The following GLIS3 variants were observed in gnomAD, a reference collection of about 807,000 sequenced individuals.
GLIS3 encodes zinc finger protein GLIS3.
Under a neutral mutation model 78.6 loss-of-function variants are expected in GLIS3, and 53 were observed. The observed-to-expected ratio is 0.67, with a 90% CI of 0.54 to 0.85. The LOEUF is 0.85. GLIS3 is among the 40% of genes least tolerant of loss of function. The pLI is 0.00. For missense variants in GLIS3, 1,703 were observed against 1,231.1 expected (o/e 1.38, Z -5.74); for synonymous variants, 684 against 509.9 (o/e 1.34, Z -4.60).
chr9:4,348,540 A>G (rs1817924097), upstream of GLIS3: 1 of 152,226 alleles, frequency 6.6e-6, no homozygotes, highest in African/African-American at 2.4e-5. Flanking sequence ...CAATGGCCAC[A>G]CCTACTCCAA....
At chr9:4,388,503 C>A in the GLIS3 span, among the ~76,000 whole-genome samples, 1 of 152,082 alleles carries the variant, frequency 6.6e-6, no homozygotes, top group South Asian at 2.1e-4. Flanking sequence ...TGGTGAAACC[C>A]TGTCTCTACT....
rs759784205 is a variant in GLIS3, at chr9:4,125,841, G to A, written c.489C>T (p.Leu163=). Reference sequence around the variant, plus strand: ...AGACCTGGCTTGCTGGAGGTGAAATGAGTCCCAGTCGCTGAACCATCATGG... The same window carrying A: ...AGACCTGGCTTGCTGGAGGTGAAATAAGTCCCAGTCGCTGAACCATCATGG... ...SSPMMVQRLG[L]ISPPASQVST... The change falls in exon 3 of 11, where the codon CTC becomes CTT. Residue 163 remains leucine, a synonymous_variant. Coordinates refer to ENST00000381971, the MANE Select transcript of GLIS3 (RefSeq NM_001042413.2). 2.5e-6 allele frequency: 4 copies of A among 1,614,046 alleles called. No individual in the cohort carries two copies. Among genetic ancestry groups the A allele is most frequent in the Middle Eastern group, 1.7e-4 (1 of 6,058 alleles).
intron 4 of GLIS3, among the ~76,000 whole-genome samples, chr9:4,072,750 TG>T (rs902396995): frequency 1.3e-4 from 19 of 147,728 alleles, no homozygotes; most frequent in African/African-American, 4.9e-4. Context: ...TGTTTTTTTT[TG>T]TTGTTGTTGT....
At chr9:3,828,718 T>G (rs1182656837) in intron 10 of GLIS3, among the ~76,000 whole-genome samples, 3 of 152,040 alleles carry the variant, frequency 2.0e-5, no homozygotes. Flanking sequence ...TGAAAGAGAA[T>G]GGAATTCTCA....
At chr9:4,244,252 G>C (rs550997220) in intron 2 of GLIS3, among the ~76,000 whole-genome samples, 1 of 152,144 alleles carries the variant, frequency 6.6e-6, no homozygotes, top group East Asian at 1.9e-4. Flanking sequence ...TGTGTGAAAC[G>C]TACATGGCAC....
At chr9:4,083,159 C>CT (rs2130709082) in intron 4 of GLIS3, among the ~76,000 whole-genome samples, 1 of 152,256 alleles carries the variant, frequency 6.6e-6, no homozygotes, top group African/African-American at 2.4e-5. Context: ...GAACTCATGC[C>CT]TGTGGTTTCA....
chr9:4,386,087 G>A, the GLIS3 span, among the ~76,000 whole-genome samples: 9 of 152,170 alleles, frequency 5.9e-5, no homozygotes, highest in African/African-American at 1.9e-4. Context: ...TTCTGCAAAT[G>A]CTTTATTTGG....
chr9:3,865,288 G>C lies in GLIS3; in HGVS notation c.2298-9104C>G, dbSNP rs191476745. ...CAACACAGTTCTTCACGTGCAGAAA[G>C]ATAATCTCTTAGCAGCTAAGTCTCC... On this transcript the variant is annotated intron_variant, in intron 8 of 10. Coordinates refer to ENST00000381971, the MANE Select transcript of GLIS3 (RefSeq NM_001042413.2). 3.7e-4 allele frequency among the ~76,000 whole-genome samples: 57 copies of C among 152,302 alleles called. No individual in the cohort carries two copies. The South Asian group carries it at 1.0e-2, about 27-fold the overall frequency.
the GLIS3 span, among the ~76,000 whole-genome samples, chr9:4,482,710 T>C: frequency 2.0e-5 from 3 of 152,342 alleles, no homozygotes; most frequent in Middle Eastern, 0.01. Context: ...GGTCTGTTGA[T>C]GTAACTTTTT....
the GLIS3 span, among the ~76,000 whole-genome samples, chr9:4,426,231 A>G: frequency 6.6e-6 from 1 of 152,162 alleles, no homozygotes; most frequent in Non-Finnish European, 1.5e-5. Context: ...AACAGAGAGT[A>G]GGCTGAGTCG....
intron 9 of GLIS3, among the ~76,000 whole-genome samples, chr9:3,836,744 G>T (rs1818376066): frequency 6.6e-6 from 1 of 152,176 alleles, no homozygotes; most frequent in Non-Finnish European, 1.5e-5. Context: ...TATGCTGACA[G>T]CCACACCAGG....
At chr9:3,830,014 G>T (rs1411828995) in intron 9 of GLIS3, among the ~76,000 whole-genome samples, 1 of 152,170 alleles carries the variant, frequency 6.6e-6, no homozygotes, top group East Asian at 1.9e-4. Context: ...GGTAGACAGT[G>T]TTCCATAGTT....
intron 2 of GLIS3, among the ~76,000 whole-genome samples, chr9:4,345,526 A>G (rs981812924): frequency 2.0e-5 from 3 of 152,192 alleles, no homozygotes; most frequent in Non-Finnish European, 1.5e-5. Flanking sequence ...ATAATTTAGA[A>G]TACTTATCAA....
upstream of GLIS3, among the ~76,000 whole-genome samples, chr9:4,303,981 A>G (rs774702619): frequency 6.6e-6 from 1 of 152,244 alleles, no homozygotes; most frequent in Non-Finnish European, 1.5e-5. Context: ...ACTACCTTCT[A>G]TAAATGCCTC....
chr9:4,302,276 G>A (rs1817107386), upstream of GLIS3, among the ~76,000 whole-genome samples: 1 of 152,152 alleles, frequency 6.6e-6, no homozygotes, highest in African/African-American at 2.4e-5. Flanking sequence ...AGATAGGTGG[G>A]AACTGCAGCC....
At chr9:4,132,034 C>T (rs143712002) in intron 2 of GLIS3, among the ~76,000 whole-genome samples, 289 of 149,182 alleles carry the variant, frequency 1.9e-3, no homozygotes, top group Non-Finnish European at 3.4e-3. Context: ...TTTAAGTCTA[C>T]GGCCAATGTT....
chr9:3,929,005 C>G (rs1825435333), intron 6 of GLIS3, among the ~76,000 whole-genome samples: 1 of 152,170 alleles, frequency 6.6e-6, no homozygotes, highest in African/African-American at 2.4e-5. Flanking sequence ...AAGCTCATAG[C>G]CTTGAGGAAA....
chr9:4,311,079 A>G (rs923192634), intron 2 of GLIS3, among the ~76,000 whole-genome samples: 5 of 152,180 alleles, frequency 3.3e-5, no homozygotes, highest in Non-Finnish European at 5.9e-5. Flanking sequence ...GTGTCTTCGC[A>G]GGAGTTCTTA....
chr9:4,461,399 G>T, the GLIS3 span, among the ~76,000 whole-genome samples: 15 of 151,982 alleles, frequency 9.9e-5, no homozygotes, highest in Non-Finnish European at 2.1e-4. Context: ...CTTAAAATCA[G>T]AGTAAAATGT....
Sources: gnomAD v4.1 joint callset for allele counts (sites outside exome capture counted in the v4.1 genomes callset) on GRCh38, gnomAD v4.1.1 for gene constraint, MANE v1.5 for transcripts, NCBI Gene and HGNC (gene_info 2026-07-23, HGNC 2026-07-21) for gene names.